The following ADAMTSL3 variants were observed in gnomAD, a reference collection of about 807,000 sequenced individuals.
ADAMTSL3 encodes the protein ADAMTS like 3, also known as ADAMTS-like protein 3.
In ADAMTSL3, 128 loss-of-function variants were observed where a neutral mutation model predicts 201.7. The ratio of observed to expected loss-of-function variants is 0.63; its 90% CI spans 0.55 to 0.73. The LOEUF (loss-of-function observed/expected upper bound fraction) is 0.73. Among genes scored for constraint, ADAMTSL3 ranks in the 30% least tolerant of loss-of-function variants. The probability of loss-of-function intolerance (pLI) is 0.00; values close to 1 mark genes in which losing one functional copy is unlikely to be tolerated. For synonymous variants in ADAMTSL3, 738 were observed against 748.4 expected (o/e 0.99, Z 0.23); for missense variants, 1,990 against 2,119.6 (o/e 0.94, Z 1.20).
At chr15:83,744,303 C>T (rs889599590) in intron 3 of ADAMTSL3, among the ~76,000 whole-genome samples, 1 of 151,894 alleles carries the variant, frequency 6.6e-6, no homozygotes, top group African/African-American at 2.4e-5. Flanking sequence ...CCAAAGACAC[C>T]AAAAAATATT....
At chr15:83,881,368 G>A (rs2065267682) in intron 9 of ADAMTSL3, among the ~76,000 whole-genome samples, 1 of 152,206 alleles carries the variant, frequency 6.6e-6, no homozygotes. Context: ...ACTACGTGAG[G>A]CTGATGACAG....
intron 13 of ADAMTSL3, among the ~76,000 whole-genome samples, chr15:83,897,278 G>A (rs779499057): frequency 1.3e-4 from 19 of 151,470 alleles, no homozygotes; most frequent in Non-Finnish European, 1.9e-4. Flanking sequence ...ATAGCATAAT[G>A]TTTTTATTAA....
chr15:83,670,684 G>C (rs8038454), intron 2 of ADAMTSL3, among the ~76,000 whole-genome samples: 7 of 151,946 alleles, frequency 4.6e-5, no homozygotes. Context: ...TGTATTCACA[G>C]TGTGAAAAAA....
At chr15:83,778,477 A>G (rs1464799646) in intron 4 of ADAMTSL3, among the ~76,000 whole-genome samples, 1 of 152,252 alleles carries the variant, frequency 6.6e-6, no homozygotes, top group Non-Finnish European at 1.5e-5. Flanking sequence ...CAACATTCTT[A>G]AAATAAATTC....
intron 5 of ADAMTSL3, among the ~76,000 whole-genome samples, chr15:83,818,127 G>A (rs373374831): frequency 2.0e-5 from 3 of 152,166 alleles, no homozygotes; most frequent in East Asian, 3.8e-4. Flanking sequence ...TCTATAAAAT[G>A]TGCATAACCT....
intron 25 of ADAMTSL3, among the ~76,000 whole-genome samples, chr15:84,021,092 C>A (rs1206871779): frequency 6.6e-6 from 1 of 152,278 alleles, no homozygotes; most frequent in East Asian, 1.9e-4. Flanking sequence ...TTAGAGAACA[C>A]TGAGGAGGCA....
intron 7 of ADAMTSL3, among the ~76,000 whole-genome samples, chr15:83,844,480 C>T (rs1226073439): frequency 1.3e-5 from 2 of 152,196 alleles, no homozygotes; most frequent in Non-Finnish European, 2.9e-5. Context: ...GGTTTTCATT[C>T]TCCTGTCTTC....
At position 83,838,085 on chromosome 15, in the gene ADAMTSL3, G is replaced by A. The variant is rs1218010624; in HGVS notation, c.601-4G>A. 11 of 1,605,274 alleles carry A rather than the reference G, an allele frequency of 6.9e-6. No individual in the cohort carries two copies. The highest frequency in any genetic ancestry group is 8.5e-6 in the Non-Finnish European group (10 of 1,176,818). On this transcript the variant is annotated splice_polypyrimidine_tract_variant and splice_region_variant and intron_variant, in intron 6 of 29. Coordinates refer to ENST00000286744, the MANE Select transcript of ADAMTSL3 (RefSeq NM_207517.3). ...ACCACTGACTGCCATGCTTCTGTTGGCAGGCAGTGGGCTGCGATCGGCAAC... is the reference window on the plus strand; with the variant it reads ...ACCACTGACTGCCATGCTTCTGTTGACAGGCAGTGGGCTGCGATCGGCAAC...
intron 3 of ADAMTSL3, among the ~76,000 whole-genome samples, chr15:83,764,676 C>T (rs2062863680): frequency 6.6e-6 from 1 of 152,028 alleles, no homozygotes; most frequent in South Asian, 2.1e-4. Flanking sequence ...TAATGAGAAT[C>T]GTCAAATCCA....
Position 83,858,795 on chromosome 15 carries a change from G to A in ADAMTSL3, c.757G>A (p.Gly253Arg), listed in dbSNP as rs2064795312. The A allele has an allele frequency of 6.2e-7, 1 of 1,613,664 alleles. No individual in the cohort carries two copies. The highest frequency in any genetic ancestry group is 1.7e-5 in the Admixed American group (1 of 59,978). The change falls in exon 8 of 30, where the codon GGA (glycine) becomes AGA (arginine). Residue 253 changes from glycine to arginine, a missense_variant. Gly to Arg is a moderately radical substitution (Grantham distance 125). Coordinates refer to ENST00000286744, the MANE Select transcript of ADAMTSL3 (RefSeq NM_207517.3). ...REENVIAVPLGSRSVRITVKG... is the reference protein window; with the variant it reads ...REENVIAVPLRSRSVRITVKG... Reference sequence around the variant, plus strand: ...AGAAAATGTAATTGCTGTTCCTTTGGGAAGTCGAAGTGTGAGAATTACAGT... The same window carrying A: ...AGAAAATGTAATTGCTGTTCCTTTGAGAAGTCGAAGTGTGAGAATTACAGT...
intron 10 of ADAMTSL3, among the ~76,000 whole-genome samples, chr15:83,887,119 C>A (rs1038321442): frequency 6.6e-6 from 1 of 152,148 alleles, no homozygotes; most frequent in Non-Finnish European, 1.5e-5. Context: ...CACCACAGAC[C>A]TACTGAGTCA....
At chr15:84,016,613 G>C in intron 25 of ADAMTSL3, 114 bp downstream of exon 25, 1 of 878,662 alleles carries the variant, frequency 1.1e-6, no homozygotes, top group Admixed American at 2.6e-5. Flanking sequence ...ATTATTTCTA[G>C]GCATTTGGCC....
chr15:83,809,817 C>T (rs1486427229), intron 5 of ADAMTSL3, among the ~76,000 whole-genome samples: 1 of 152,152 alleles, frequency 6.6e-6, no homozygotes, highest in African/African-American at 2.4e-5. Flanking sequence ...TCTCAATTGG[C>T]TGTAACTAAT....
At chr15:83,827,719 T>C (rs1434485323) in intron 6 of ADAMTSL3, among the ~76,000 whole-genome samples, 1 of 152,220 alleles carries the variant, frequency 6.6e-6, no homozygotes, top group Non-Finnish European at 1.5e-5. Context: ...CAGTTTCAGC[T>C]TTCTACATAT....
intron 5 of ADAMTSL3, among the ~76,000 whole-genome samples, chr15:83,807,496 C>A (rs2063619148): frequency 6.6e-6 from 1 of 151,790 alleles, no homozygotes; most frequent in Non-Finnish European, 1.5e-5. Flanking sequence ...AAAGAGGGTG[C>A]AAAAAGAGGT....
intron 5 of ADAMTSL3, among the ~76,000 whole-genome samples, chr15:83,816,446 A>G (rs992274312): frequency 3.3e-5 from 5 of 152,192 alleles, no homozygotes; most frequent in African/African-American, 1.2e-4. Flanking sequence ...AACTCTTGTT[A>G]ATTTTGTGAA....
rs541912967 is a variant in ADAMTSL3 at position 83,839,406 on chromosome 15, A to G, written c.727+1191A>G. 3.6e-4 allele frequency among the ~76,000 whole-genome samples: 55 copies of G among 152,314 alleles called. 1 individual carries two copies. In the South Asian group the frequency reaches 0.011, roughly 31 times the overall value. Reference sequence around the variant, plus strand: ...CTGTACATTGAATAGGGTAGAAGATAAGACAGAACGGCATTTGGAGTCAAA... The same window carrying G: ...CTGTACATTGAATAGGGTAGAAGATGAGACAGAACGGCATTTGGAGTCAAA... On this transcript the variant is annotated intron_variant, in intron 7 of 29. Transcript: ENST00000286744.
intron 23 of ADAMTSL3, among the ~76,000 whole-genome samples, chr15:84,000,071 A>G (rs2067765160): frequency 6.6e-6 from 1 of 152,012 alleles, no homozygotes; most frequent in African/African-American, 2.4e-5. Context: ...AAAAAAAAAA[A>G]GAACTATCTC....
chr15:83,912,087 C>G (rs1384063789), intron 15 of ADAMTSL3, among the ~76,000 whole-genome samples: 1 of 152,158 alleles, frequency 6.6e-6, no homozygotes, highest in East Asian at 1.9e-4. Context: ...TTATTAATAT[C>G]TCAAGATACA....
Sources: allele counts gnomAD v4.1 joint callset (sites outside exome capture counted in the v4.1 genomes callset), GRCh38; gene constraint gnomAD v4.1.1; transcripts MANE v1.5; gene names NCBI Gene and HGNC (gene_info 2026-07-23, HGNC 2026-07-21).